SHMT2: variants seen among roughly 807,000 people sequenced by gnomAD.
SHMT2 encodes serine hydroxymethyltransferase 2, also known as serine hydroxymethyltransferase, mitochondrial.
SHMT2 carries 38 observed loss-of-function variants against 59.6 expected under a neutral mutation model. That is an observed-to-expected ratio of 0.64 (90% CI 0.49 to 0.84). SHMT2 has a LOEUF of 0.84. Among genes scored for constraint, SHMT2 ranks in the 40% least tolerant of loss-of-function variants. The pLI, the probability that SHMT2 is intolerant of heterozygous loss-of-function variation, is 0.00. For synonymous variants in SHMT2, 254 were observed against 258.1 expected, an observed-to-expected ratio of 0.98 and a Z score of 0.15; for missense variants, 533 against 659.5, an observed-to-expected ratio of 0.81 and a Z score of 2.10.
chr12:57,233,195 C>T lies in SHMT2; in HGVS notation c.873C>T (p.Phe291=). 6.4e-7 allele frequency: 1 copy of T among 1,567,782 alleles called. No individual in the cohort carries two copies. The highest frequency in any genetic ancestry group is 8.7e-7 in the Non-Finnish European group (1 of 1,155,348). The part of the protein sequence containing the change: ...TLRGARSGLI[F]YRKGVKAVDP... ...TCTCACACAGGTCAGGGCTCATCTT[C>T]TACCGGAAAGGGGTGAAGGCTGTGG... is the stretch of plus-strand genomic sequence containing the variant. The change falls in exon 8 of 12, where the codon TTC becomes TTT. Residue 291 remains phenylalanine, a synonymous_variant. Transcript: ENST00000328923.
chr12:57,230,961 G>A lies in SHMT2; in HGVS notation c.192G>A (p.Lys64=). ...PEMWELLQRE[K]DRQCRGLELI... ...TGTGGGAGTTGCTGCAGAGGGAGAAGGACAGGCAGTGTCGTGGCCTGGAGC... is the reference window on the plus strand; with the variant it reads ...TGTGGGAGTTGCTGCAGAGGGAGAAAGACAGGCAGTGTCGTGGCCTGGAGC... The change falls in exon 2 of 12, where the codon AAG becomes AAA. Residue 64 remains lysine (K), a synonymous_variant. Transcript: ENST00000328923. 3 of 1,613,898 alleles carry A rather than the reference G, an allele frequency of 1.9e-6. No homozygotes were observed. The highest frequency in any genetic ancestry group is 2.5e-6 in the Non-Finnish European group (3 of 1,180,036).
chr12:57,231,449 A>T (rs1480607047), intron 2 of SHMT2, 32 bp from the exon 3 acceptor site: 1 of 1,609,884 alleles, frequency 6.2e-7, no homozygotes, highest in South Asian at 1.1e-5. Context: ...AAGGGGCTCA[A>T]TACCTTCTGA....
intron 7 of SHMT2, 160 bp downstream of exon 7, chr12:57,233,003 C>A: frequency 7.9e-7 from 1 of 1,261,838 alleles, no homozygotes. Context: ...GGTGGCCATG[C>A]CCTGGCAGGG....
chr12:57,234,006 C>A lies in SHMT2; in HGVS notation c.1283C>A (p.Ala428Asp), dbSNP rs765801824. 2.5e-6 allele frequency: 4 copies of A among 1,614,024 alleles called. No homozygotes were observed. The highest frequency in any genetic ancestry group is 3.4e-6 in the Non-Finnish European group (4 of 1,180,020). ...CTCCCCTTGTGCCTCGTTCCAGGGG[C>A]CCCAGCCTTAACTTCTCGACAGTTC... ...AITPGGLRLG[A>D]PALTSRQFRE... Residue 428 changes from alanine (A) to aspartate (D), a missense_variant, in exon 11 of 12, where the codon GCC becomes GAC. Transcript: ENST00000328923.
intron 1 of SHMT2, 104 bp downstream of exon 1, chr12:57,229,915 A>T: frequency 6.5e-7 from 1 of 1,544,840 alleles, no homozygotes; most frequent in Non-Finnish European, 8.8e-7. Context: ...TTTTCCATGC[A>T]CGTGGATTGG....
rs1364122379 is a variant in SHMT2 at position 57,231,036 on chromosome 12, C to T, written c.231+36C>T. On this transcript the variant is annotated intron_variant, in intron 2 of 11. Coordinates refer to ENST00000328923, the MANE Select transcript of SHMT2 (RefSeq NM_005412.6). ...GGGAGATGGGCAGGGGTTGGGCCACCATGGGTACAGGAAGTAACAAAGTTA... is the reference window on the plus strand; with the variant it reads ...GGGAGATGGGCAGGGGTTGGGCCACTATGGGTACAGGAAGTAACAAAGTTA... The T allele has an allele frequency of 1.9e-6, 3 of 1,594,456 alleles. No individual in the cohort carries two copies. The African/African-American group carries it at 4.0e-5, about 21-fold the overall frequency.
At chr12:57,230,001 C>A in intron 1 of SHMT2, 190 bp downstream of exon 1, 1 of 1,436,596 alleles carries the variant, frequency 7.0e-7, no homozygotes, top group Non-Finnish European at 9.1e-7. Context: ...GCGAGCCTGT[C>A]CTCATTCTGG....
At chr12:57,231,955 T>G (rs985365706) in intron 4 of SHMT2, 42 bp downstream of exon 4, 42 of 1,565,116 alleles carry the variant, frequency 2.7e-5, no homozygotes, top group East Asian at 7.0e-5. Flanking sequence ...GCGGCAGGAT[T>G]GGTGTGGGAA....
In SHMT2 at chr12:57,229,719, G is replaced by A. The variant is rs747782075; in HGVS notation, c.-60G>A. On this transcript the variant is annotated 5_prime_UTR_variant, in exon 1 of 12. Coordinates refer to ENST00000328923, the MANE Select transcript of SHMT2 (RefSeq NM_005412.6). ...TGCGTTCTCCGAACGGTCTTCTTCCGACAGCTTGCTGCCCTAGACCAGAGT... is the reference window on the plus strand; with the variant it reads ...TGCGTTCTCCGAACGGTCTTCTTCCAACAGCTTGCTGCCCTAGACCAGAGT... 5 of 1,608,778 alleles carry A rather than the reference G, an allele frequency of 3.1e-6. No homozygotes were observed. The highest frequency in any genetic ancestry group is 4.3e-6 in the Non-Finnish European group (5 of 1,175,264).
chr12:57,231,814 T>C lies in SHMT2; in HGVS notation c.413T>C (p.Val138Ala). ...DLDPAQWGVN[V>A]QPYSGSPANL... ...GATCCTGCACAGTGGGGAGTCAATG[T>C]CCAGCCCTACTCCGGGTCCCCAGCC... Residue 138 changes from valine to alanine, a missense_variant, in exon 4 of 12, where the codon GTC (valine) becomes GCC (alanine). Coordinates refer to ENST00000328923, the MANE Select transcript of SHMT2 (RefSeq NM_005412.6). The C allele has an allele frequency of 6.2e-7, 1 of 1,614,210 alleles. No individual in the cohort carries two copies. Among genetic ancestry groups the C allele is most frequent in the Non-Finnish European group, 8.5e-7 (1 of 1,180,022 alleles).
intron 5 of SHMT2, 66 bp from the exon 6 acceptor site, chr12:57,232,387 G>GT (rs1276678054): frequency 6.2e-7 from 1 of 1,613,910 alleles, no homozygotes; most frequent in Admixed American, 1.7e-5. Context: ...CGTCCTTAGG[G>GT]TTAAGGAGGA....
intron 6 of SHMT2, 50 bp downstream of exon 6, chr12:57,232,625 A>T (rs1331540002): frequency 6.2e-7 from 1 of 1,612,370 alleles, no homozygotes; most frequent in Admixed American, 1.7e-5. Flanking sequence ...GGTGGTGAGG[A>T]GGTGTGGGAG....
In SHMT2 at chr12:57,233,200, G is replaced by A. The variant is rs936039600; in HGVS notation, c.878G>A (p.Arg293Gln). Residue 293 changes from arginine (R) to glutamine (Q), a missense_variant, in exon 8 of 12, where the codon CGG becomes CAG. Coordinates refer to ENST00000328923, the MANE Select transcript of SHMT2 (RefSeq NM_005412.6). ...CACAGGTCAGGGCTCATCTTCTACCGGAAAGGGGTGAAGGCTGTGGACCCC... is the reference window on the plus strand; with the variant it reads ...CACAGGTCAGGGCTCATCTTCTACCAGAAAGGGGTGAAGGCTGTGGACCCC... Reference protein sequence around the residue: ...RGARSGLIFYRKGVKAVDPKT... With the variant: ...RGARSGLIFYQKGVKAVDPKT... 8.3e-6 allele frequency: 13 copies of A among 1,574,172 alleles called. No individual in the cohort carries two copies. The highest frequency in any genetic ancestry group is 2.7e-5 in the African/African-American group (2 of 73,616).
chr12:57,233,013 G>GA (rs2037391332), intron 7 of SHMT2, 167 bp from the exon 8 acceptor site: 2 of 1,237,896 alleles, frequency 1.6e-6, no homozygotes, highest in African/African-American at 3.0e-5. Context: ...CCCTGGCAGG[G>GA]GATTTGTGGA....
chr12:57,233,126 C>T (rs2037395180), intron 7 of SHMT2, 54 bp from the exon 8 acceptor site: 3 of 1,508,076 alleles, frequency 2.0e-6, no homozygotes, highest in Non-Finnish European at 2.7e-6. Context: ...TCTGCCTTCT[C>T]TGTCCCTTGT....
At chr12:57,229,978 C>G in intron 1 of SHMT2, 167 bp downstream of exon 1, 1 of 1,448,586 alleles carries the variant, frequency 6.9e-7, no homozygotes, top group Non-Finnish European at 9.1e-7. Flanking sequence ...CCTGGGCGCG[C>G]GTGGAGTTAA....
Position 57,232,437 on chromosome 12 carries a change from T to G in SHMT2, c.595-16T>G. On this transcript the variant is annotated splice_polypyrimidine_tract_variant and intron_variant, in intron 5 of 11. Coordinates refer to ENST00000328923, the MANE Select transcript of SHMT2 (RefSeq NM_005412.6). The stretch of plus-strand genomic sequence containing the variant: ...GCTTCCTTCTCAGGGCTTTAGCTGT[T>G]TGTGTGTCTGTCCAGCCCAAAACTG... 6.2e-7 allele frequency: 1 copy of G among 1,614,124 alleles called. No homozygotes were observed.
Position 57,230,813 on chromosome 12 carries a change from G to C in SHMT2, c.44G>C (p.Arg15Thr). Residue 15 changes from arginine to threonine, a missense_variant, in exon 2 of 12, where the codon AGA becomes ACA. Coordinates refer to ENST00000328923, the MANE Select transcript of SHMT2 (RefSeq NM_005412.6). ...SLFWAARPLQRCGQLVRMAIR... is the reference protein window; with the variant it reads ...SLFWAARPLQTCGQLVRMAIR... Reference sequence around the variant, plus strand: ...TTTTCCTGCCTTCAGCCTCTGCAGAGATGTGGGCAGCTGGTCAGGATGGCC... The same window carrying C: ...TTTTCCTGCCTTCAGCCTCTGCAGACATGTGGGCAGCTGGTCAGGATGGCC... 6.2e-7 allele frequency: 1 copy of C among 1,614,082 alleles called. No homozygotes were observed. The highest frequency in any genetic ancestry group is 8.5e-7 in the Non-Finnish European group (1 of 1,179,988).
rs1356820974 is a variant in SHMT2, at chr12:57,229,928, C to T, written c.33+117C>T. 1.5e-5 allele frequency: 22 copies of T among 1,508,244 alleles called. No individual in the cohort carries two copies. In the East Asian group the frequency reaches 4.4e-4, roughly 30 times the overall value. The allele number at this position is 1,508,244 out of a possible 1,614,324, so 93.4% of individuals were successfully genotyped here. On this transcript the variant is annotated intron_variant, in intron 1 of 11. Coordinates refer to ENST00000328923, the MANE Select transcript of SHMT2 (RefSeq NM_005412.6). ...GCTTTTCCATGCACGTGGATTGGGG[C>T]CTCAGGGAGCGGACGTGTAACTGGG...
Sources: allele counts gnomAD v4.1 joint callset, GRCh38; gene constraint gnomAD v4.1.1; transcripts MANE v1.5; gene names NCBI Gene and HGNC (gene_info 2026-07-23, HGNC 2026-07-21).